PPARG: variants seen among roughly 807,000 people sequenced by gnomAD.
PPARG encodes peroxisome proliferator activated receptor gamma, also known as peroxisome proliferator-activated receptor gamma.
PPARG carries 17 observed loss-of-function variants against 39.2 expected under a neutral mutation model. That is an observed-to-expected ratio of 0.43 (90% CI 0.30 to 0.65). The LOEUF (loss-of-function observed/expected upper bound fraction) is 0.65. Ranked by LOEUF, PPARG falls within the 30% of genes least tolerant of loss-of-function variation. The pLI is 0.13. For synonymous variants in PPARG, 223 were observed against 215.7 expected (o/e 1.03, Z -0.30); for missense variants, 406 against 585.9 (o/e 0.69, Z 3.17).
intron 2 of PPARG, among the ~76,000 whole-genome samples, chr3:12,340,365 A>T (rs796132121): frequency 3.3e-4 from 50 of 152,322 alleles, no homozygotes; most frequent in African/African-American, 1.2e-3. Flanking sequence ...ACTGTGTGCA[A>T]TAGATAACAA....
intron 6 of PPARG, chr3:12,406,493 C>T (rs2050671223): frequency 5.1e-6 from 1 of 197,294 alleles, no homozygotes; most frequent in Admixed American, 5.5e-5. Flanking sequence ...GTATTGAATC[C>T]CACTATTTCA....
At chr3:12,313,831 T>C (rs969877586) in intron 2 of PPARG, among the ~76,000 whole-genome samples, 2 of 152,226 alleles carry the variant, frequency 1.3e-5, no homozygotes, top group African/African-American at 2.4e-5. Context: ...CAAATTGATA[T>C]ACATAAATGA....
At chr3:12,404,667 G>T (rs1270413910) in intron 5 of PPARG, among the ~76,000 whole-genome samples, 1 of 152,136 alleles carries the variant, frequency 6.6e-6, no homozygotes, top group Non-Finnish European at 1.5e-5. Flanking sequence ...AGCCAGGCAT[G>T]GTGGCCCACC....
At chr3:12,287,849 C>G (rs1274706735), upstream of PPARG, 1 of 136,614 alleles carries the variant, frequency 7.3e-6, no homozygotes, top group Non-Finnish European at 1.6e-5. Flanking sequence ...CACCCCCAGC[C>G]GGCGCCCGCG....
At chr3:12,433,287 C>CAG (rs1468052077) in intron 7 of PPARG, among the ~76,000 whole-genome samples, 1 of 152,090 alleles carries the variant, frequency 6.6e-6, no homozygotes, top group Non-Finnish European at 1.5e-5. Context: ...CCTGTAATCC[C>CAG]AGCACTTTGG....
intron 1 of PPARG, among the ~76,000 whole-genome samples, chr3:12,291,186 A>G (rs1268812941): frequency 6.6e-6 from 1 of 152,290 alleles, no homozygotes; most frequent in South Asian, 2.1e-4. Context: ...GCGTAAACAT[A>G]TGCACCCCCC....
chr3:12,408,019 A>G (rs1209872711), intron 6 of PPARG, among the ~76,000 whole-genome samples: 1 of 152,194 alleles, frequency 6.6e-6, no homozygotes, highest in Non-Finnish European at 1.5e-5. Context: ...CTAAGACCCC[A>G]CAGCAAGTGG....
intron 6 of PPARG, among the ~76,000 whole-genome samples, chr3:12,415,871 T>C (rs1337707280): frequency 1.3e-5 from 2 of 152,168 alleles, no homozygotes; most frequent in Admixed American, 6.5e-5. Flanking sequence ...TGAGAGGATT[T>C]CATCTAAAAC....
intron 2 of PPARG, among the ~76,000 whole-genome samples, chr3:12,341,871 T>C (rs2048192874): frequency 6.6e-6 from 1 of 152,144 alleles, no homozygotes; most frequent in African/African-American, 2.4e-5. Flanking sequence ...AGAAAAACAT[T>C]TCATAAACTC....
chr3:12,354,055 C>T lies in PPARG; in HGVS notation c.-8-25649C>T, dbSNP rs549935498. Among the ~76,000 whole-genome samples the T allele has an allele frequency of 2.9e-4, 44 of 152,280 alleles. 1 individual carries two copies. The South Asian group carries it at 7.5e-3, about 26-fold the overall frequency. On this transcript the variant is annotated intron_variant, in intron 2 of 7. Coordinates refer to ENST00000651735, the MANE Select transcript of PPARG (RefSeq NM_138711.6). ...TGCTGCAATAGACAATCCTTCAAAA[C>T]GAGTCTCTCCTGAGATAGGAGTGAG...
At chr3:12,345,972 T>G (rs1182381475) in intron 2 of PPARG, among the ~76,000 whole-genome samples, 2 of 152,226 alleles carry the variant, frequency 1.3e-5, no homozygotes, top group Non-Finnish European at 2.9e-5. Flanking sequence ...GTTGATAATA[T>G]AGTTCATGGT....
chr3:12,347,908 C>G (rs1367122674), intron 2 of PPARG, among the ~76,000 whole-genome samples: 3 of 152,006 alleles, frequency 2.0e-5, no homozygotes, highest in African/African-American at 7.3e-5. Flanking sequence ...TAGAAGCTAG[C>G]ATAAATGTTA....
At chr3:12,323,564 A>G (rs979065903) in intron 2 of PPARG, among the ~76,000 whole-genome samples, 2 of 152,208 alleles carry the variant, frequency 1.3e-5, no homozygotes, top group African/African-American at 2.4e-5. Flanking sequence ...AGTACCATGT[A>G]AAGTATGAAT....
chr3:12,321,420 G>A (rs544705056), intron 2 of PPARG, among the ~76,000 whole-genome samples: 2 of 152,150 alleles, frequency 1.3e-5, no homozygotes, highest in African/African-American at 4.8e-5. Flanking sequence ...ATACACTTCT[G>A]CCCCCAGGTG....
intron 2 of PPARG, chr3:12,351,643 C>A (rs752068471): frequency 6.2e-7 from 1 of 1,611,148 alleles, no homozygotes. Flanking sequence ...GCGATTCCTT[C>A]ACTGATACAC....
chr3:12,417,261 C>T, intron 7 of PPARG, 107 bp downstream of exon 7: 4 of 1,112,500 alleles, frequency 3.6e-6, no homozygotes, highest in East Asian at 2.6e-5. Context: ...ACTTTAAGTG[C>T]CAGTGGCATG....
At position 12,369,066 on chromosome 3, in the gene PPARG, C is replaced by T. The variant is rs549100413; in HGVS notation, c.-8-10638C>T. On this transcript the variant is annotated intron_variant, in intron 2 of 7. Coordinates refer to ENST00000651735, the MANE Select transcript of PPARG (RefSeq NM_138711.6). ...TTTTTACCTTTATCTAAATAACACT[C>T]GTACACAGCTACAGCTTTCAGTGAA... is the stretch of plus-strand genomic sequence containing the variant. 3.3e-5 allele frequency among the ~76,000 whole-genome samples: 5 copies of T among 152,274 alleles called. No individual in the cohort carries two copies. The South Asian group carries it at 8.3e-4, about 25-fold the overall frequency.
rs1426438562 is a variant in PPARG at position 12,310,461 on chromosome 3, T to C, written c.-82-1919T>C. Among the ~76,000 whole-genome samples the C allele has an allele frequency of 2.3e-5, 2 of 86,796 alleles. 1 individual carries two copies. The highest frequency in any genetic ancestry group is 9.4e-5 in the African/African-American group (2 of 21,256). The allele number at this position is 86,796 out of a possible 152,430, so 56.9% of individuals were successfully genotyped here. ...TTTGTTTTCACGTATTTGAGCCCTT[T>C]TTTTTTTTTTTTTTTTTTTTGAGAC... On this transcript the variant is annotated intron_variant, in intron 1 of 7. Transcript: ENST00000651735.
chr3:12,307,022 C>T (rs1171676704), intron 1 of PPARG, among the ~76,000 whole-genome samples: 2 of 141,812 alleles, frequency 1.4e-5, no homozygotes, highest in East Asian at 4.4e-4. Flanking sequence ...GGCGTGAACC[C>T]GGGAGGCAGA....
Sources: gnomAD v4.1 joint callset for allele counts (sites outside exome capture counted in the v4.1 genomes callset) on GRCh38, gnomAD v4.1.1 for gene constraint, MANE v1.5 for transcripts, NCBI Gene and HGNC (gene_info 2026-07-23, HGNC 2026-07-21) for gene names.